DNAJC6: variants seen among roughly 807,000 people sequenced by gnomAD.
DNAJC6 encodes the protein DnaJ heat shock protein family (Hsp40) member C6.
In DNAJC6, 34 loss-of-function variants were observed where a neutral mutation model predicts 110.0. The ratio of observed to expected loss-of-function variants is 0.31; its 90% CI spans 0.24 to 0.41. DNAJC6 has a LOEUF of 0.41. DNAJC6 is among the 10% of genes least tolerant of loss of function. The pLI is 1.00. For synonymous variants in DNAJC6, 406 were observed against 437.2 expected (o/e 0.93, Z 0.89); for missense variants, 1,031 against 1,207.8 (o/e 0.85, Z 2.17).
intron 16 of DNAJC6, 83 bp from the exon 17 acceptor site, chr1:65,408,558 A>C (rs1480934013): frequency 3.3e-6 from 5 of 1,495,810 alleles, no homozygotes; most frequent in Non-Finnish European, 4.5e-6. Flanking sequence ...AAACACCTTG[A>C]AGACTCCAGA....
At chr1:65,265,368 C>T (rs1653280079) in intron 1 of DNAJC6, among the ~76,000 whole-genome samples, 1 of 152,182 alleles carries the variant, frequency 6.6e-6, no homozygotes, top group Non-Finnish European at 1.5e-5. Flanking sequence ...AAGGCAAACG[C>T]TGACGGAGAA....
At chr1:65,366,557 T>G (rs1645648448) in intron 4 of DNAJC6, among the ~76,000 whole-genome samples, 1 of 152,200 alleles carries the variant, frequency 6.6e-6, no homozygotes, top group African/African-American at 2.4e-5. Context: ...CGTTGACCCT[T>G]CTTTATTGCT....
chr1:65,394,545 T>A (rs1235061521), intron 12 of DNAJC6, among the ~76,000 whole-genome samples: 1 of 152,262 alleles, frequency 6.6e-6, no homozygotes, highest in Non-Finnish European at 1.5e-5. Flanking sequence ...AGAATGCCCC[T>A]AGTTTAACAT....
chr1:65,372,271 A>C (rs886358981), intron 4 of DNAJC6, among the ~76,000 whole-genome samples: 6 of 152,094 alleles, frequency 3.9e-5, no homozygotes, highest in Admixed American at 1.3e-4. Flanking sequence ...TCTAAAAAAA[A>C]CCCAATAAAA....
At chr1:65,343,353 A>C (rs910687623) in intron 1 of DNAJC6, among the ~76,000 whole-genome samples, 24 of 152,144 alleles carry the variant, frequency 1.6e-4, no homozygotes, top group African/African-American at 5.6e-4. Context: ...AGACTACCTT[A>C]CCTGTGGTTT....
intron 1 of DNAJC6, among the ~76,000 whole-genome samples, chr1:65,329,739 A>G (rs548102771): frequency 6.6e-6 from 1 of 152,280 alleles, no homozygotes; most frequent in Admixed American, 6.5e-5. Context: ...AAGACTTAGA[A>G]CATCCTCTAG....
chr1:65,277,977 C>T (rs1002988547), intron 1 of DNAJC6, among the ~76,000 whole-genome samples: 9 of 151,828 alleles, frequency 5.9e-5, no homozygotes, highest in African/African-American at 2.2e-4. Context: ...TTCTAAAGAG[C>T]TAAGTAGGAA....
chr1:65,323,428 C>T (rs1645214172), intron 1 of DNAJC6, among the ~76,000 whole-genome samples: 1 of 152,246 alleles, frequency 6.6e-6, no homozygotes, highest in South Asian at 2.1e-4. Flanking sequence ...TCTTGCTTCC[C>T]CTTTGCCTTC....
rs761662653 is a variant in DNAJC6 at position 65,412,920 on chromosome 1, A to G, written c.2812-4A>G. On this transcript the variant is annotated splice_region_variant and splice_polypyrimidine_tract_variant and intron_variant, in intron 18 of 18. Coordinates refer to ENST00000371069, the MANE Select transcript of DNAJC6 (RefSeq NM_001256864.2). ...TCTAATGTGTGTTTTTGTTTTCTCT[A>G]CAGGCTACTGGGCAACCCTATGAAC... The G allele has an allele frequency of 8.7e-6, 14 of 1,611,244 alleles. No individual in the cohort carries two copies. In the Middle Eastern group the frequency reaches 1.7e-3, roughly 190 times the overall value.
At chr1:65,359,776 A>T (rs1645580820) in intron 1 of DNAJC6, among the ~76,000 whole-genome samples, 1 of 152,202 alleles carries the variant, frequency 6.6e-6, no homozygotes, top group Non-Finnish European at 1.5e-5. Flanking sequence ...GGGCCGTAAG[A>T]TCTGTGGCAC....
chr1:65,323,578 T>C, intron 1 of DNAJC6, among the ~76,000 whole-genome samples: 1 of 152,170 alleles, frequency 6.6e-6, no homozygotes, highest in East Asian at 1.9e-4. Flanking sequence ...ACTAGATTAA[T>C]ACACCTTCCT....
intron 5 of DNAJC6, among the ~76,000 whole-genome samples, chr1:65,381,561 A>G (rs934572455): frequency 1.1e-4 from 16 of 151,688 alleles, no homozygotes; most frequent in Non-Finnish European, 2.4e-4. Flanking sequence ...AAAAAAAAAA[A>G]ATGATAATAA....
In DNAJC6 at chr1:65,322,954, AAG is replaced by A. The variant is rs1645210012; in HGVS notation, c.193+13018_193+13019del. ...CAATTTGGAAAATCCAGAAAACACA[AAG>A]AAAAAATAAAAATAACTGATAAACT... On this transcript the variant is annotated intron_variant, in intron 1 of 18. Coordinates refer to ENST00000371069, the MANE Select transcript of DNAJC6 (RefSeq NM_001256864.2). Among the ~76,000 whole-genome samples, 3 of 152,236 alleles carry A rather than the reference AAG, an allele frequency of 2.0e-5. No individual in the cohort carries two copies. In the South Asian group the frequency reaches 6.2e-4, roughly 31 times the overall value.
At chr1:65,373,126 A>C (rs1645724063) in intron 4 of DNAJC6, among the ~76,000 whole-genome samples, 1 of 152,214 alleles carries the variant, frequency 6.6e-6, no homozygotes, top group South Asian at 2.1e-4. Flanking sequence ...ATGTTGCTGC[A>C]AATGACAGGA....
chr1:65,270,793 C>T (rs1023890422), intron 1 of DNAJC6, among the ~76,000 whole-genome samples: 1 of 152,162 alleles, frequency 6.6e-6, no homozygotes, highest in Non-Finnish European at 1.5e-5. Context: ...ATTCTCCTGC[C>T]TCAGCCTCCC....
chr1:65,356,150 T>C (rs1486992038), intron 1 of DNAJC6, among the ~76,000 whole-genome samples: 1 of 152,168 alleles, frequency 6.6e-6, no homozygotes, highest in East Asian at 1.9e-4. Context: ...ATAGGGGTTA[T>C]TGATTTGTTA....
chr1:65,280,237 T>C (rs540977798), intron 1 of DNAJC6, among the ~76,000 whole-genome samples: 1 of 152,312 alleles, frequency 6.6e-6, no homozygotes. Flanking sequence ...GTCCCGTCTC[T>C]TAGAGATAAT....
intron 1 of DNAJC6, among the ~76,000 whole-genome samples, chr1:65,353,847 A>G (rs1645515432): frequency 6.6e-6 from 1 of 152,148 alleles, no homozygotes. Context: ...GCAGTGTTGC[A>G]ATCAGAAATT....
intron 15 of DNAJC6, among the ~76,000 whole-genome samples, chr1:65,404,602 A>T (rs1646058190): frequency 1.3e-5 from 2 of 152,224 alleles, no homozygotes; most frequent in Non-Finnish European, 1.5e-5. Flanking sequence ...GCTGAGACTC[A>T]AACTCAGATT....
Sources: allele counts gnomAD v4.1 joint callset (sites outside exome capture counted in the v4.1 genomes callset), GRCh38; gene constraint gnomAD v4.1.1; transcripts MANE v1.5; gene names NCBI Gene and HGNC (gene_info 2026-07-23, HGNC 2026-07-21).